Variants in PAK5 observed in about 807,000 individuals in gnomAD.
The protein encoded by PAK5 is p21 (RAC1) activated kinase 5.
A neutral mutation model predicts 65.9 loss-of-function variants in PAK5; 16 were observed. That is an observed-to-expected ratio of 0.24 (90% CI 0.16 to 0.37). The LOEUF is 0.37. PAK5 is among the 10% of genes least tolerant of loss of function. The probability of loss-of-function intolerance (pLI) is 1.00; values close to 1 mark genes in which losing one functional copy is unlikely to be tolerated. For synonymous variants in PAK5, 371 were observed against 354.9 expected (o/e 1.05, Z -0.51); for missense variants, 785 against 903.9 (o/e 0.87, Z 1.69).
intron 2 of PAK5, among the ~76,000 whole-genome samples, chr20:9,664,303 T>C (rs1397192650): frequency 1.3e-5 from 2 of 152,144 alleles, no homozygotes; most frequent in Admixed American, 1.3e-4. Flanking sequence ...GTTCAGTGGG[T>C]TGACACCCTC....
chr20:9,576,279 A>G (rs1276867025), intron 4 of PAK5, among the ~76,000 whole-genome samples: 1 of 152,234 alleles, frequency 6.6e-6, no homozygotes, highest in Non-Finnish European at 1.5e-5. Context: ...CAGGCAGTTT[A>G]TCTCCAAAAT....
At chr20:9,566,405 A>G (rs2123003245) in intron 4 of PAK5, 21 bp from the exon 5 acceptor site, 1 of 1,605,544 alleles carries the variant, frequency 6.2e-7, no homozygotes. Context: ...AGACATGGAT[A>G]GAGAATATTC....
intron 4 of PAK5, chr20:9,577,341 A>T (rs565712892): frequency 3.3e-5 from 5 of 152,198 alleles, no homozygotes; most frequent in African/African-American, 1.2e-4. Flanking sequence ...GGTTAACATT[A>T]ATCTTTTTTT....
rs368616079 is a variant in PAK5 at position 9,539,617 on chromosome 20, C to A, written c.2005G>T (p.Val669Phe). ...LPPRVKDLHK[V>F]SSVLRGFLDL... ...AGGAATCCCCGGAGCACTGAAGAAA[C>A]CTGTGAAAACACACAGATACCAATC... The change falls in exon 10 of 10, where the codon GTT becomes TTT. Residue 669 changes from valine (V) to phenylalanine (F), a missense_variant and splice_region_variant. By Grantham distance (50) the Val-to-Phe change is conservative. Transcript: ENST00000353224. The A allele has an allele frequency of 8.1e-6, 13 of 1,612,770 alleles. No individual in the cohort carries two copies. The highest frequency in any genetic ancestry group is 1.1e-5 in the South Asian group (1 of 91,028).
intron 2 of PAK5, among the ~76,000 whole-genome samples, chr20:9,680,669 C>T (rs73242815): frequency 2.4e-4 from 37 of 152,244 alleles, no homozygotes; most frequent in African/African-American, 8.4e-4. Flanking sequence ...AAAAGTCCTC[C>T]GGAGAGAATC....
Position 9,537,644 on chromosome 20 carries a change from C to G in PAK5, c.*1818G>C, listed in dbSNP as rs1053350122. 4.6e-6 allele frequency: 1 copy of G among 218,320 alleles called. No individual in the cohort carries two copies. Among genetic ancestry groups the G allele is most frequent in the Non-Finnish European group, 9.2e-6 (1 of 108,620 alleles). The allele number at this position is 218,320 out of a possible 1,614,324, so 13.5% of individuals were successfully genotyped here. A position where few individuals can be genotyped will look rare whatever the true frequency, so the allele number is the denominator to read the frequency against. On this transcript the variant is annotated 3_prime_UTR_variant, in exon 10 of 10. Coordinates refer to ENST00000353224, the MANE Select transcript of PAK5 (RefSeq NM_177990.4). Reference sequence around the variant, plus strand: ...TTTTCTTTTTCTTTTCTTTCTACTTCTACATAGTCCTGGTTAAATTAATAC... The same window carrying G: ...TTTTCTTTTTCTTTTCTTTCTACTTGTACATAGTCCTGGTTAAATTAATAC...
intron 2 of PAK5, among the ~76,000 whole-genome samples, chr20:9,703,920 C>T (rs915923276): frequency 6.6e-6 from 1 of 152,100 alleles, no homozygotes; most frequent in African/African-American, 2.4e-5. Flanking sequence ...TTAAGACATG[C>T]AAGAATTATC....
chr20:9,621,965 C>T (rs1054398609), intron 3 of PAK5, among the ~76,000 whole-genome samples: 1 of 152,218 alleles, frequency 6.6e-6, no homozygotes, highest in African/African-American at 2.4e-5. Flanking sequence ...CTTCAGCACT[C>T]TCCTGCCTAC....
intron 1 of PAK5, among the ~76,000 whole-genome samples, chr20:9,779,358 A>C (rs1315223708): frequency 6.6e-6 from 1 of 150,380 alleles, no homozygotes; most frequent in Non-Finnish European, 1.5e-5. Context: ...TCTAATATAT[A>C]TATATATCTA....
chr20:9,746,306 C>G (rs1159058817), intron 1 of PAK5, among the ~76,000 whole-genome samples: 1 of 152,162 alleles, frequency 6.6e-6, no homozygotes, highest in Non-Finnish European at 1.5e-5. Flanking sequence ...TTTTCTCTAT[C>G]ACCTACATCC....
intron 3 of PAK5, among the ~76,000 whole-genome samples, chr20:9,582,625 T>A (rs1336966536): frequency 1.3e-5 from 2 of 152,136 alleles, no homozygotes; most frequent in South Asian, 4.1e-4. Context: ...TGGGAACAAG[T>A]CAGTAAGTGT....
At chr20:9,798,252 T>TA (rs71184157) in intron 1 of PAK5, among the ~76,000 whole-genome samples, 3 of 151,612 alleles carry the variant, frequency 2.0e-5, no homozygotes, top group Admixed American at 6.6e-5. Flanking sequence ...AGTTATGGGG[T>TA]AAAAAAAATG....
At chr20:9,755,920 C>A (rs2048628301) in intron 1 of PAK5, among the ~76,000 whole-genome samples, 1 of 152,182 alleles carries the variant, frequency 6.6e-6, no homozygotes, top group Admixed American at 6.5e-5. Context: ...AGAACCTGTT[C>A]TTCATGGCTC....
At chr20:9,546,195 A>T (rs544200688) in intron 7 of PAK5, among the ~76,000 whole-genome samples, 2 of 152,302 alleles carry the variant, frequency 1.3e-5, no homozygotes, top group East Asian at 3.9e-4. Flanking sequence ...TAGAGTGAAC[A>T]TCCCTATCTG....
chr20:9,725,948 A>C (rs2048272582), intron 1 of PAK5, among the ~76,000 whole-genome samples: 1 of 152,166 alleles, frequency 6.6e-6, no homozygotes, highest in Non-Finnish European at 1.5e-5. Context: ...TAAGAAAAAA[A>C]ATTAATTTGA....
chr20:9,751,942 C>G (rs1214176996), intron 1 of PAK5, among the ~76,000 whole-genome samples: 1 of 152,148 alleles, frequency 6.6e-6, no homozygotes, highest in Non-Finnish European at 1.5e-5. Context: ...TGTGCATAAT[C>G]AGACGCTGTG....
chr20:9,753,592 T>C (rs2048600761), intron 1 of PAK5, among the ~76,000 whole-genome samples: 1 of 152,164 alleles, frequency 6.6e-6, no homozygotes, highest in Non-Finnish European at 1.5e-5. Flanking sequence ...ACATTATACA[T>C]ACACACACAA....
chr20:9,602,301 A>AATAC lies in PAK5; in HGVS notation c.205-21372_205-21371insGTAT, dbSNP rs201440209. 3.8e-4 allele frequency among the ~76,000 whole-genome samples: 33 copies of AATAC among 87,122 alleles called. No homozygotes were observed. The East Asian group carries it at 0.01, about 27-fold the overall frequency. The allele number at this position is 87,122 out of a possible 152,430, so 57.2% of individuals were successfully genotyped here. ...CAAGACTCTGTCTCAAAAATAAATA[A>AATAC]ATAAATAAATAAATAAATAAATAAA... On this transcript the variant is annotated intron_variant, in intron 3 of 9. Transcript: ENST00000353224.
chr20:9,637,299 A>G (rs955600030), intron 3 of PAK5, among the ~76,000 whole-genome samples: 1 of 152,192 alleles, frequency 6.6e-6, no homozygotes, highest in Admixed American at 6.5e-5. Context: ...TGCCCACCCA[A>G]GAAAATTTAA....
Sources: allele counts gnomAD v4.1 joint callset (sites outside exome capture counted in the v4.1 genomes callset), GRCh38; gene constraint gnomAD v4.1.1; transcripts MANE v1.5; gene names NCBI Gene and HGNC (gene_info 2026-07-23, HGNC 2026-07-21).